SRGAP1: variants seen among roughly 807,000 people sequenced by gnomAD.
SRGAP1 encodes SLIT-ROBO Rho GTPase-activating protein 1.
Under a neutral mutation model 121.9 loss-of-function variants are expected in SRGAP1, and 43 were observed. The observed-to-expected ratio is 0.35, with a 90% confidence interval of 0.28 to 0.46. SRGAP1 has a LOEUF of 0.46. Ranked by LOEUF, SRGAP1 falls within the 20% of genes least tolerant of loss-of-function variation. The pLI is 1.00. For synonymous variants in SRGAP1, 447 were observed against 485.4 expected (o/e 0.92, Z 1.04); for missense variants, 1,102 against 1,350.9 (o/e 0.82, Z 2.89).
intron 21 of SRGAP1, among the ~76,000 whole-genome samples, chr12:64,135,434 G>A (rs1021219981): frequency 2.0e-5 from 3 of 152,130 alleles, no homozygotes; most frequent in Non-Finnish European, 2.9e-5. Flanking sequence ...CTGAAGCCAG[G>A]AGATAGAATC....
At chr12:64,033,493 C>T (rs901174225) in intron 4 of SRGAP1, among the ~76,000 whole-genome samples, 5 of 151,658 alleles carry the variant, frequency 3.3e-5, no homozygotes, top group Admixed American at 2.0e-4. Context: ...GTGGTGGGGG[C>T]GGATCACCTG....
At chr12:63,930,957 C>T (rs555203787) in intron 1 of SRGAP1, among the ~76,000 whole-genome samples, 1 of 152,202 alleles carries the variant, frequency 6.6e-6, no homozygotes, top group East Asian at 1.9e-4. Context: ...TAATGAGTTG[C>T]TAATAGACTG....
chr12:64,129,880 C>T (rs909827859), intron 21 of SRGAP1, among the ~76,000 whole-genome samples: 3 of 152,204 alleles, frequency 2.0e-5, no homozygotes, highest in Admixed American at 6.5e-5. Flanking sequence ...CAATTACAGT[C>T]CCTGTTTCCA....
At chr12:64,035,944 A>C (rs1263739902) in intron 4 of SRGAP1, among the ~76,000 whole-genome samples, 3 of 152,152 alleles carry the variant, frequency 2.0e-5, no homozygotes, top group African/African-American at 7.2e-5. Context: ...GTGTGCTTAC[A>C]TTCTGTCATT....
At chr12:64,099,294 A>C (rs2036217482) in intron 15 of SRGAP1, among the ~76,000 whole-genome samples, 1 of 152,198 alleles carries the variant, frequency 6.6e-6, no homozygotes, top group Non-Finnish European at 1.5e-5. Context: ...TGCCAAGAAG[A>C]GTGCCTGGCA....
At chr12:64,074,280 A>G (rs1170329348) in intron 8 of SRGAP1, among the ~76,000 whole-genome samples, 2 of 152,080 alleles carry the variant, frequency 1.3e-5, no homozygotes, top group Admixed American at 1.3e-4. Flanking sequence ...TTTCCCTTTT[A>G]TTGTTCATCA....
intron 7 of SRGAP1, among the ~76,000 whole-genome samples, chr12:64,064,388 A>G (rs1331083662): frequency 6.6e-6 from 1 of 152,198 alleles, no homozygotes; most frequent in Non-Finnish European, 1.5e-5. Context: ...CATAATTGAG[A>G]TCATGGCCAA....
At chr12:63,939,348 G>A (rs1565959330) in intron 1 of SRGAP1, among the ~76,000 whole-genome samples, 2 of 152,026 alleles carry the variant, frequency 1.3e-5, no homozygotes, top group East Asian at 3.9e-4. Flanking sequence ...GAGACTATAT[G>A]AACAAAGAAA....
At chr12:63,857,088 C>CT (rs59666761) in intron 1 of SRGAP1, among the ~76,000 whole-genome samples, 156 of 143,772 alleles carry the variant, frequency 1.1e-3, no homozygotes, top group Middle Eastern at 3.6e-3. Context: ...CAATTTACTG[C>CT]TTTTTTTTTT....
chr12:63,980,467 C>G (rs184137638), intron 1 of SRGAP1, among the ~76,000 whole-genome samples: 71 of 152,218 alleles, frequency 4.7e-4, no homozygotes, highest in African/African-American at 1.6e-3. Flanking sequence ...AAGGTGAGCA[C>G]AAATCTAGTG....
At chr12:63,984,179 G>T in intron 2 of SRGAP1, 37 bp downstream of exon 2, 1 of 1,238,896 alleles carries the variant, frequency 8.1e-7, no homozygotes, top group Non-Finnish European at 1.1e-6. Flanking sequence ...TTCCAAGGGT[G>T]ATATCCATAC....
rs760668276 is a variant in SRGAP1 at position 64,153,570 on chromosome 12, T to TAGA, written c.*10902_*10904dup. The TAGA allele has an allele frequency of 7.2e-5, 11 of 152,102 alleles. No individual in the cohort carries two copies. Among genetic ancestry groups the TAGA allele is most frequent in the African/African-American group, 2.7e-4 (11 of 41,416 alleles). The allele number at this position is 152,102 out of a possible 1,614,324, so 9.4% of individuals were successfully genotyped here. A position where few individuals can be genotyped will look rare whatever the true frequency, so the allele number is the denominator to read the frequency against. ...AGGAACATGACAGCATCTATATTTT[T>TAGA]AGAAGATGACCCTCAAAACCACAAT... On this transcript the variant is annotated 3_prime_UTR_variant, in exon 22 of 22. Transcript: ENST00000355086.
intron 21 of SRGAP1, among the ~76,000 whole-genome samples, chr12:64,134,400 G>A (rs185035585): frequency 3.4e-5 from 5 of 148,496 alleles, no homozygotes; most frequent in Admixed American, 6.7e-5. Flanking sequence ...TAGCCTGAGC[G>A]ACACAGCAAG....
intron 1 of SRGAP1, among the ~76,000 whole-genome samples, chr12:63,961,469 G>A (rs2032641091): frequency 1.3e-5 from 2 of 152,202 alleles, no homozygotes; most frequent in East Asian, 3.9e-4. Flanking sequence ...GCAGTCTTGG[G>A]CTGTATGGAT....
chr12:64,112,648 G>C (rs891415789), intron 17 of SRGAP1, among the ~76,000 whole-genome samples: 1 of 152,104 alleles, frequency 6.6e-6, no homozygotes, highest in Non-Finnish European at 1.5e-5. Flanking sequence ...TAGACACTTA[G>C]GTTGTTTTCA....
chr12:64,150,813 T>C lies in SRGAP1; in HGVS notation c.*8141T>C, dbSNP rs2037110952. The C allele has an allele frequency of 1.4e-5, 2 of 142,430 alleles. No individual in the cohort carries two copies. Among genetic ancestry groups the C allele is most frequent in the Admixed American group, 7.1e-5 (1 of 14,096 alleles). 8.8% of individuals were successfully genotyped at this position (142,430 alleles called of 1,614,324 possible). ...AGCCAGACATAGTAGTACATGCCTA[T>C]AGTACTAGGTACTTGGGAGGCTGAG... On this transcript the variant is annotated 3_prime_UTR_variant, in exon 22 of 22. Coordinates refer to ENST00000355086, the MANE Select transcript of SRGAP1 (RefSeq NM_020762.4).
chr12:64,094,233 A>G (rs879275533), intron 12 of SRGAP1, among the ~76,000 whole-genome samples: 31 of 152,164 alleles, frequency 2.0e-4, no homozygotes, highest in Admixed American at 7.9e-4. Context: ...CATCCTATAC[A>G]TGTTTTAAAA....
Position 64,091,390 on chromosome 12 carries a change from A to G in SRGAP1, c.1539+12A>G. The G allele has an allele frequency of 6.3e-7, 1 of 1,590,040 alleles. No homozygotes were observed. The highest frequency in any genetic ancestry group is 8.6e-7 in the Non-Finnish European group (1 of 1,163,092). ...AAACATTCGTCAAGGTACTGGCACCAGCCATCTGGGTGGCTGATCTCCATG... is the reference window on the plus strand; with the variant it reads ...AAACATTCGTCAAGGTACTGGCACCGGCCATCTGGGTGGCTGATCTCCATG... On this transcript the variant is annotated intron_variant, in intron 12 of 21. Transcript: ENST00000355086.
chr12:63,989,430 C>T (rs1005337513), intron 2 of SRGAP1, among the ~76,000 whole-genome samples: 1 of 152,148 alleles, frequency 6.6e-6, no homozygotes, highest in African/African-American at 2.4e-5. Flanking sequence ...TAATAAATAA[C>T]CCTCAAATTT....
Sources: gnomAD v4.1 joint callset for allele counts (sites outside exome capture counted in the v4.1 genomes callset) on GRCh38, gnomAD v4.1.1 for gene constraint, MANE v1.5 for transcripts, NCBI Gene and HGNC (gene_info 2026-07-23, HGNC 2026-07-21) for gene names.